The following SH3BGRL2 variants were observed in gnomAD, a reference collection of about 807,000 sequenced individuals.
The protein encoded by SH3BGRL2 is SH3 domain binding glutamate rich protein like 2, also known as SH3 domain-binding glutamic acid-rich-like protein 2.
In SH3BGRL2, 21 loss-of-function variants were observed where a neutral mutation model predicts 14.8. The observed-to-expected ratio is 1.42, with a 90% confidence interval of 1.01 to 2.05. The LOEUF (loss-of-function observed/expected upper bound fraction) is 2.05, where lower values mean the gene tolerates loss of function less well. Ranked by LOEUF, SH3BGRL2 falls within the 30% of genes most tolerant of loss-of-function variation. The pLI, the probability that SH3BGRL2 is intolerant of heterozygous loss-of-function variation, is 0.00. For synonymous variants in SH3BGRL2, 50 were observed against 47.8 expected, an observed-to-expected ratio of 1.05 and a Z score of -0.19; for missense variants, 147 against 130.8, an observed-to-expected ratio of 1.12 and a Z score of -0.61.
At chr6:79,635,015 T>TG (rs1296437240) in intron 1 of SH3BGRL2, among the ~76,000 whole-genome samples, 1 of 152,094 alleles carries the variant, frequency 6.6e-6, no homozygotes, top group East Asian at 1.9e-4. Flanking sequence ...AAGAAGCCCA[T>TG]GGTGACAAAC....
intron 2 of SH3BGRL2, among the ~76,000 whole-genome samples, chr6:79,695,992 G>T (rs1296593277): frequency 6.6e-6 from 1 of 152,136 alleles, no homozygotes; most frequent in African/African-American, 2.4e-5. Flanking sequence ...CTAAGGAGAT[G>T]GTCTCAAAGA....
At chr6:79,579,328 A>G in the SH3BGRL2 span, among the ~76,000 whole-genome samples, 15 of 152,134 alleles carry the variant, frequency 9.9e-5, no homozygotes, top group Admixed American at 2.6e-4. Context: ...GAGAAGAGCA[A>G]CTCCAAGACG....
intron 1 of SH3BGRL2, among the ~76,000 whole-genome samples, chr6:79,636,265 CT>C (rs1768919925): frequency 6.6e-6 from 1 of 152,144 alleles, no homozygotes; most frequent in African/African-American, 2.4e-5. Flanking sequence ...AGTAGAAGTT[CT>C]TCCTGTGGGC....
intron 1 of SH3BGRL2, among the ~76,000 whole-genome samples, chr6:79,658,470 A>G (rs1332186680): frequency 1.3e-5 from 2 of 152,118 alleles, no homozygotes; most frequent in Non-Finnish European, 2.9e-5. Context: ...AAGCACGTGA[A>G]CTCATCCTTT....
At chr6:79,542,358 T>C in the SH3BGRL2 span, among the ~76,000 whole-genome samples, 1 of 151,882 alleles carries the variant, frequency 6.6e-6, no homozygotes, top group African/African-American at 2.4e-5. Flanking sequence ...ATGCAACCTC[T>C]GCCTCCTGGG....
At chr6:79,545,864 A>T in the SH3BGRL2 span, among the ~76,000 whole-genome samples, 1 of 152,120 alleles carries the variant, frequency 6.6e-6, no homozygotes, top group Non-Finnish European at 1.5e-5. Context: ...TTTTTTAAAC[A>T]ACAACAACAA....
the SH3BGRL2 span, among the ~76,000 whole-genome samples, chr6:79,617,190 CAAAAAAAAGAA>C: frequency 4.7e-4 from 31 of 65,702 alleles, no homozygotes; most frequent in Non-Finnish European, 8.8e-4. Flanking sequence ...CGTCTCAAAA[CAAAAAAAAGAA>C]AAAAAAAAGA....
chr6:79,538,454 T>A, the SH3BGRL2 span, among the ~76,000 whole-genome samples: 1 of 152,206 alleles, frequency 6.6e-6, no homozygotes, highest in Non-Finnish European at 1.5e-5. Context: ...CAAACAATAT[T>A]GTGATTAAAT....
the SH3BGRL2 span, among the ~76,000 whole-genome samples, chr6:79,578,056 C>T: frequency 6.6e-6 from 1 of 152,236 alleles, no homozygotes; most frequent in African/African-American, 2.4e-5. Flanking sequence ...AAGGCGGCAG[C>T]CTGGCTGGGA....
the SH3BGRL2 span, among the ~76,000 whole-genome samples, chr6:79,566,330 A>T: frequency 6.6e-6 from 1 of 152,292 alleles, no homozygotes. Flanking sequence ...ACCTCAAGTT[A>T]TACTCAAACA....
chr6:79,639,170 G>GT (rs1402638515), intron 1 of SH3BGRL2, among the ~76,000 whole-genome samples: 2 of 151,972 alleles, frequency 1.3e-5, no homozygotes, highest in South Asian at 2.1e-4. Context: ...AATGAATTGT[G>GT]TTTTTTTCTA....
the SH3BGRL2 span, among the ~76,000 whole-genome samples, chr6:79,587,071 C>G: frequency 1.3e-5 from 2 of 152,214 alleles, no homozygotes; most frequent in Non-Finnish European, 2.9e-5. Context: ...TGAACTCCCC[C>G]CAGTGTGTTG....
chr6:79,567,524 T>C, the SH3BGRL2 span, among the ~76,000 whole-genome samples: 1 of 152,200 alleles, frequency 6.6e-6, no homozygotes, highest in Non-Finnish European at 1.5e-5. Flanking sequence ...AAGACTGGGC[T>C]GCAATTTTAG....
intron 1 of SH3BGRL2, among the ~76,000 whole-genome samples, chr6:79,656,571 A>C (rs1273481633): frequency 6.6e-6 from 1 of 152,220 alleles, no homozygotes; most frequent in Non-Finnish European, 1.5e-5. Context: ...ACATCCTTGG[A>C]TTCAACCATC....
At chr6:79,673,552 G>A in intron 1 of SH3BGRL2, 62 bp from the exon 2 acceptor site, 4 of 1,499,754 alleles carry the variant, frequency 2.7e-6, no homozygotes, top group Non-Finnish European at 3.7e-6. Flanking sequence ...GTTCAGTTTG[G>A]AAGTATATAC....
intron 1 of SH3BGRL2, among the ~76,000 whole-genome samples, chr6:79,652,695 A>C (rs2127726850): frequency 6.6e-6 from 1 of 152,186 alleles, no homozygotes; most frequent in Non-Finnish European, 1.5e-5. Context: ...TAGACCTAGC[A>C]GTAAGGAGGG....
the SH3BGRL2 span, among the ~76,000 whole-genome samples, chr6:79,553,857 A>G: frequency 4.6e-5 from 7 of 151,858 alleles, no homozygotes; most frequent in South Asian, 4.2e-4. Context: ...AATCCCAGCT[A>G]CTCTGGAGAC....
At chr6:79,577,105 C>T in the SH3BGRL2 span, among the ~76,000 whole-genome samples, 119 of 152,224 alleles carry the variant, frequency 7.8e-4, no homozygotes, top group Non-Finnish European at 1.3e-3. Context: ...TGTCAGTTGT[C>T]GGGCATCATT....
intron 1 of SH3BGRL2, among the ~76,000 whole-genome samples, chr6:79,649,985 T>TCTCTCTCTCACACA (rs765159303): frequency 7.1e-4 from 101 of 142,070 alleles, no homozygotes; most frequent in East Asian, 3.7e-3. Flanking sequence ...TCTCTCTCTC[T>TCTCTCTCTCACACA]CACACACACA....
Sources: gnomAD v4.1 joint callset for allele counts (sites outside exome capture counted in the v4.1 genomes callset) on GRCh38, gnomAD v4.1.1 for gene constraint, MANE v1.5 for transcripts, NCBI Gene and HGNC (gene_info 2026-07-23, HGNC 2026-07-21) for gene names.